ZNF646: variants seen among roughly 807,000 people sequenced by gnomAD.
The protein encoded by ZNF646 is zinc finger protein 646.
ZNF646 carries 49 observed loss-of-function variants against 115.4 expected under a neutral mutation model. The ratio of observed to expected loss-of-function variants is 0.42; its 90% CI spans 0.34 to 0.54. The LOEUF (loss-of-function observed/expected upper bound fraction) is 0.54, where lower values mean the gene tolerates loss of function less well. Ranked by LOEUF, ZNF646 falls within the 20% of genes least tolerant of loss-of-function variation. The pLI is 0.04. For synonymous variants in ZNF646, 933 were observed against 939.0 expected (o/e 0.99, Z 0.12); for missense variants, 2,269 against 2,457.9 (o/e 0.92, Z 1.62).
chr16:31,082,570 C>T (rs552706675), intron 2 of ZNF646: 5 of 253,532 alleles, frequency 2.0e-5, no homozygotes, highest in South Asian at 5.2e-5. Context: ...CTGGAAGCCG[C>T]AGCTGCCAGG....
Position 31,079,979 on chromosome 16 carries a change from A to G in ZNF646, c.3655A>G (p.Ile1219Val), listed in dbSNP as rs878928168. ...GRSYKHAGSL[I>V]NHRQSHQTGH... is the part of the protein sequence containing the mutation. ...ATCCTACAAGCACGCCGGCAGCCTCATCAACCACCGGCAGAGCCACCAGAC... is the reference window on the plus strand; with the variant it reads ...ATCCTACAAGCACGCCGGCAGCCTCGTCAACCACCGGCAGAGCCACCAGAC... Residue 1219 changes from isoleucine to valine, a missense_variant, in exon 2 of 3, where the codon ATC becomes GTC. Physicochemically the swap from Ile to Val is conservative, Grantham distance 29 (BLOSUM62 3). Around this residue, in one of 5 missense-constraint regions of ZNF646, gnomAD observed 1,062 missense variants for 1,172.8 expected, o/e 0.91. Coordinates refer to ENST00000300850, the MANE Select transcript of ZNF646 (RefSeq NM_014699.4). This position sits in a 1 kb window ranked among gnomAD's most constrained non-coding sequence, Gnocchi z 5.5. 1 of 1,600,418 alleles carries G rather than the reference A, an allele frequency of 6.2e-7. No individual in the cohort carries two copies. Among genetic ancestry groups the G allele is most frequent in the Non-Finnish European group, 8.5e-7 (1 of 1,173,384 alleles).
chr16:31,080,306 T>C lies in ZNF646; in HGVS notation c.3982T>C (p.Cys1328Arg), dbSNP rs746432543. The C allele has an allele frequency of 6.2e-7, 1 of 1,613,306 alleles. No individual in the cohort carries two copies. Among genetic ancestry groups the C allele is most frequent in the Non-Finnish European group, 8.5e-7 (1 of 1,179,866 alleles). ...RRSHETGQYSCPTCPKTYSNR... is the reference protein window; with the variant it reads ...RRSHETGQYSRPTCPKTYSNR... ...CAGCCACGAGACGGGCCAGTACAGCTGCCCCACCTGCCCCAAGACCTACTC... is the reference window on the plus strand; with the variant it reads ...CAGCCACGAGACGGGCCAGTACAGCCGCCCCACCTGCCCCAAGACCTACTC... The change falls in exon 2 of 3, where the codon TGC becomes CGC. Residue 1328 changes from cysteine to arginine, a missense_variant. Coordinates refer to ENST00000300850, the MANE Select transcript of ZNF646 (RefSeq NM_014699.4).
At position 31,079,571 on chromosome 16, in the gene ZNF646, G is replaced by A. The variant is rs2057126648; in HGVS notation, c.3247G>A (p.Val1083Ile). 9 of 1,613,308 alleles carry A rather than the reference G, an allele frequency of 5.6e-6. No homozygotes were observed. Among genetic ancestry groups the A allele is most frequent in the Non-Finnish European group, 7.6e-6 (9 of 1,180,032 alleles). Residue 1083 changes from valine to isoleucine, a missense_variant, in exon 2 of 3, where the codon GTC (valine) becomes ATC (isoleucine). By Grantham distance (29) the Val-to-Ile change is conservative. This residue lies in a region of ZNF646 where 1,062 missense variants were observed against 1,172.8 expected (regional missense o/e 0.91). Transcript: ENST00000300850. This position sits in a 1 kb window ranked among gnomAD's most constrained non-coding sequence, Gnocchi z 5.5. ...CCAGACTGGAGACTTTCTCTGCCCT[G>A]TCTGCTCCCGCTGCTACCCCAACCT... ...IHQTGDFLCP[V>I]CSRCYPNLAA...
In ZNF646 at chr16:31,083,544, AAGG is replaced by A. The variant is rs555821985; in HGVS notation, c.*460_*462del. On this transcript the variant is annotated 3_prime_UTR_variant, in exon 3 of 3. Coordinates refer to ENST00000300850, the MANE Select transcript of ZNF646 (RefSeq NM_014699.4). ...TGGCGTGATTGTATCTGAAAGGGTA[AAGG>A]AGGAGGAAAGCTGAGACGCCTGCTT... is the stretch of plus-strand genomic sequence containing the variant. 1.2e-3 allele frequency: 1,693 copies of A among 1,425,702 alleles called. 3 individuals carry two copies. Among genetic ancestry groups the A allele is most frequent in the Non-Finnish European group, 1.2e-3 (1,356 of 1,086,138 alleles). The allele number at this position is 1,425,702 out of a possible 1,614,324, so 88.3% of individuals were successfully genotyped here. A position where few individuals can be genotyped will look rare whatever the true frequency, so the allele number is the denominator to read the frequency against.
chr16:31,076,403 C>T lies in ZNF646; in HGVS notation c.79C>T (p.Arg27Ter), dbSNP rs1488209317. The change falls in exon 2 of 3, where the codon CGA becomes TGA. Residue 27 changes from arginine to a stop codon, truncating the protein, a stop_gained. Coordinates refer to ENST00000300850, the MANE Select transcript of ZNF646 (RefSeq NM_014699.4). LOFTEE classifies it high-confidence loss of function. ...CAGCCTCCCAGAGCTCTCTCGGCAC[C>T]GAGAACTGCTCCATCCATCTCCCAA... ...FPSLPELSRHRELLHPSPNQD... is the reference protein window; with the variant it reads ...FPSLPELSRH The T allele has an allele frequency of 5.6e-6, 9 of 1,613,980 alleles. No homozygotes were observed. The highest frequency in any genetic ancestry group is 1.1e-5 in the South Asian group (1 of 91,088).
In ZNF646 at chr16:31,078,646, C is replaced by T. The variant is rs17641067; in HGVS notation, c.2322C>T (p.Ile774=). Residue 774 remains isoleucine (I), a synonymous_variant, in exon 2 of 3, where the codon ATC becomes ATT. Coordinates refer to ENST00000300850, the MANE Select transcript of ZNF646 (RefSeq NM_014699.4). ...KDASLLDNLD[I]PGEEGGGTHF... is the part of the protein sequence containing the mutation. The stretch of plus-strand genomic sequence containing the variant: ...CCAGTTTACTTGACAACTTGGACAT[C>T]CCAGGTGAGGAAGGTGGTGGCACTC... The T allele has an allele frequency of 3.7e-5, 60 of 1,614,028 alleles. No individual in the cohort carries two copies. The highest frequency in any genetic ancestry group is 4.8e-5 in the Non-Finnish European group (57 of 1,180,008).
chr16:31,080,573 G>A lies in ZNF646; in HGVS notation c.4249G>A (p.Glu1417Lys), dbSNP rs1370340327. The A allele has an allele frequency of 1.2e-6, 2 of 1,613,916 alleles. No homozygotes were observed. The highest frequency in any genetic ancestry group is 1.3e-5 in the African/African-American group (1 of 74,906). ...EANLTGSQGL[E>K]TQLGGAEPVP... ...GAACCTGACTGGCAGCCAGGGACTA[G>A]AGACCCAATTGGGTGGTGCTGAGCC... Residue 1417 changes from glutamate (E) to lysine (K), a missense_variant, in exon 2 of 3, where the codon GAG becomes AAG. Coordinates refer to ENST00000300850, the MANE Select transcript of ZNF646 (RefSeq NM_014699.4).
rs748443441 is a variant in ZNF646 at position 31,078,051 on chromosome 16, T to C, written c.1727T>C (p.Ile576Thr). The C allele has an allele frequency of 1.2e-6, 2 of 1,614,128 alleles. No homozygotes were observed. The highest frequency in any genetic ancestry group is 1.6e-4 in the Middle Eastern group (1 of 6,062). Residue 576 changes from isoleucine (I) to threonine (T), a missense_variant, in exon 2 of 3, where the codon ATC (isoleucine) becomes ACC (threonine). This residue lies in a region of ZNF646 where 852 missense variants were observed against 900.2 expected (regional missense o/e 0.95). Transcript: ENST00000300850. ...TPAADKTAAH[I>T]CSICGLLFED... ...GCAGCAGACAAGACAGCAGCACATATCTGTAGCATCTGTGGGCTGCTCTTT... is the reference window on the plus strand; with the variant it reads ...GCAGCAGACAAGACAGCAGCACATACCTGTAGCATCTGTGGGCTGCTCTTT...
In ZNF646 at chr16:31,076,495, C is replaced by T. The variant is rs1365289874; in HGVS notation, c.171C>T (p.Tyr57=). The change falls in exon 2 of 3, where the codon TAC becomes TAT. Residue 57 remains tyrosine (Y), a synonymous_variant. Transcript: ENST00000300850. Reference sequence around the variant, plus strand: ...GTTGTCAGCAGTGTGGGCGGGGCTACCGTCACCCCGGGAGCCTGGTTAACC... The same window carrying T: ...GTTGTCAGCAGTGTGGGCGGGGCTATCGTCACCCCGGGAGCCTGGTTAACC... ...PYRCQQCGRG[Y]RHPGSLVNHR... is the part of the protein sequence containing the mutation. The T allele has an allele frequency of 6.2e-7, 1 of 1,613,986 alleles. No homozygotes were observed. The highest frequency in any genetic ancestry group is 1.7e-5 in the Admixed American group (1 of 60,024).
In ZNF646 at chr16:31,083,863, T is replaced by G; in HGVS notation, c.*771T>G. On this transcript the variant is annotated 3_prime_UTR_variant, in exon 3 of 3. Coordinates refer to ENST00000300850, the MANE Select transcript of ZNF646 (RefSeq NM_014699.4). ...TCCTCATCCTCACGGCTTTGGTCCC[T>G]CCCTCCCTCCCCATTCCTCGAAGGA... The G allele has an allele frequency of 1.5e-6, 2 of 1,370,732 alleles. No individual in the cohort carries two copies. Among genetic ancestry groups the G allele is most frequent in the Non-Finnish European group, 2.0e-6 (2 of 979,354 alleles). The allele number at this position is 1,370,732 out of a possible 1,614,324, so 84.9% of individuals were successfully genotyped here.
In ZNF646 at chr16:31,081,673, C is replaced by A. The variant is rs750465755; in HGVS notation, c.5349C>A (p.His1783Gln). ...GCTTCGTGCAGCACCAGCAGCAGCA[C>A]CAGGAGGAGTGGACGGTGGCCGGCT... ...RISFVQHQQQ[H>Q]QEEWTVAGSG... is the part of the protein sequence containing the mutation. The change falls in exon 2 of 3, where the codon CAC becomes CAA. Residue 1783 changes from histidine to glutamine, a missense_variant. His to Gln is a conservative substitution (Grantham distance 24). Around this residue, in one of 5 missense-constraint regions of ZNF646, gnomAD observed 1,062 missense variants for 1,172.8 expected, o/e 0.91. Transcript: ENST00000300850. 5 of 1,599,244 alleles carry A rather than the reference C, an allele frequency of 3.1e-6. No homozygotes were observed. In the South Asian group the frequency reaches 5.6e-5, roughly 18 times the overall value.
rs780410010 is a variant in ZNF646, at chr16:31,078,937, G to T, written c.2613G>T (p.Arg871Ser). Residue 871 changes from arginine (R) to serine (S), a missense_variant, in exon 2 of 3, where the codon AGG becomes AGT. By Grantham distance (110) the Arg-to-Ser change is moderately radical (BLOSUM62 -1). Around this residue, in one of 5 missense-constraint regions of ZNF646, gnomAD observed 852 missense variants for 900.2 expected, o/e 0.95. Transcript: ENST00000300850. ...TCCGCAGCCACTTCCAGAACCATAG[G>T]CCTGGGGAGGCGACCTCAGCACAGC... ...PALRSHFQNH[R>S]PGEATSAQPF... is the part of the protein sequence containing the mutation. 1 of 1,613,016 alleles carries T rather than the reference G, an allele frequency of 6.2e-7. No homozygotes were observed. The highest frequency in any genetic ancestry group is 8.5e-7 in the Non-Finnish European group (1 of 1,179,938).
rs2057148969 is a variant in ZNF646, at chr16:31,080,890, C to A, written c.4566C>A (p.Ser1522Arg). The change falls in exon 2 of 3, where the codon AGC (serine) becomes AGA (arginine). Residue 1522 changes from serine (S) to arginine (R), a missense_variant. This residue lies in a region of ZNF646 where 1,062 missense variants were observed against 1,172.8 expected (regional missense o/e 0.91). Transcript: ENST00000300850. ...HMDSWDNRDN[S>R]SQLQPGSHSS... ...ATAGCTGGGACAACAGAGACAACAG[C>A]TCTCAGCTGCAGCCAGGGAGCCACT... 1 of 1,613,972 alleles carries A rather than the reference C, an allele frequency of 6.2e-7. No homozygotes were observed.
rs757212174 is a variant in ZNF646 at position 31,080,171 on chromosome 16, C to T, written c.3847C>T (p.Arg1283Trp). The change falls in exon 2 of 3, where the codon CGG becomes TGG. Residue 1283 changes from arginine to tryptophan, a missense_variant. By Grantham distance (101) the Arg-to-Trp change is moderately radical. This residue lies in a region of ZNF646 where 1,062 missense variants were observed against 1,172.8 expected (regional missense o/e 0.91). Coordinates refer to ENST00000300850, the MANE Select transcript of ZNF646 (RefSeq NM_014699.4). ...CAGCCACCAGCGGGTCCACATGGAA[C>T]GGCGTGGGGGTGGGGGCACCCGAAA... ...LASHQRVHMERRGGGGTRKAT... is the reference protein window; with the variant it reads ...LASHQRVHMEWRGGGGTRKAT... 49 of 1,611,302 alleles carry T rather than the reference C, an allele frequency of 3.0e-5. No homozygotes were observed. The highest frequency in any genetic ancestry group is 5.3e-5 in the African/African-American group (4 of 74,856).
chr16:31,073,864 G>A (rs1273983484), upstream of ZNF646: 1 of 152,234 alleles, frequency 6.6e-6, no homozygotes, highest in African/African-American at 2.4e-5. Flanking sequence ...TGGCGGCAGA[G>A]AAGCATCTTG....
Position 31,081,410 on chromosome 16 carries a change from C to G in ZNF646, c.5086C>G (p.Gln1696Glu). ...YRHAGSLLNH[Q>E]KAHTTGLYPC... The stretch of plus-strand genomic sequence containing the variant: ...CCATGCTGGCAGCCTGCTGAACCAC[C>G]AGAAGGCCCACACCACAGGGTTGTA... Residue 1696 changes from glutamine (Q) to glutamate (E), a missense_variant, in exon 2 of 3, where the codon CAG (glutamine) becomes GAG (glutamate). By Grantham distance (29) the Gln-to-Glu change is conservative. Transcript: ENST00000300850. The G allele has an allele frequency of 6.2e-7, 1 of 1,611,864 alleles. No homozygotes were observed. Among genetic ancestry groups the G allele is most frequent in the East Asian group, 2.2e-5 (1 of 44,778 alleles).
In ZNF646 at chr16:31,078,447, C is replaced by A; in HGVS notation, c.2123C>A (p.Pro708His). The A allele has an allele frequency of 6.3e-7, 1 of 1,595,282 alleles. No homozygotes were observed. The highest frequency in any genetic ancestry group is 8.6e-7 in the Non-Finnish European group (1 of 1,168,760). The change falls in exon 2 of 3, where the codon CCC (proline) becomes CAC (histidine). Residue 708 changes from proline (P) to histidine (H), a missense_variant. Around this residue, in one of 5 missense-constraint regions of ZNF646, gnomAD observed 852 missense variants for 900.2 expected, o/e 0.95. Transcript: ENST00000300850. ...GAAGACAATGAAGGCCTGGAGTCTCCCCAAGACCCTTCAGGGGAAAGTCCT... is the reference window on the plus strand; with the variant it reads ...GAAGACAATGAAGGCCTGGAGTCTCACCAAGACCCTTCAGGGGAAAGTCCT... ...ELEDNEGLES[P>H]QDPSGESPHG...
At position 31,080,172 on chromosome 16, in the gene ZNF646, G is replaced by A. The variant is rs2057135825; in HGVS notation, c.3848G>A (p.Arg1283Gln). Residue 1283 changes from arginine to glutamine, a missense_variant, in exon 2 of 3, where the codon CGG becomes CAG. Around this residue, in one of 5 missense-constraint regions of ZNF646, gnomAD observed 1,062 missense variants for 1,172.8 expected, o/e 0.91. Transcript: ENST00000300850. ...LASHQRVHME[R>Q]RGGGGTRKAT... is the part of the protein sequence containing the mutation. ...AGCCACCAGCGGGTCCACATGGAAC[G>A]GCGTGGGGGTGGGGGCACCCGAAAG... is the stretch of plus-strand genomic sequence containing the variant. The A allele has an allele frequency of 2.5e-5, 40 of 1,610,994 alleles. No individual in the cohort carries two copies. Among genetic ancestry groups the A allele is most frequent in the Middle Eastern group, 1.6e-4 (1 of 6,076 alleles).
At position 31,080,514 on chromosome 16, in the gene ZNF646, A is replaced by G. The variant is rs761365707; in HGVS notation, c.4190A>G (p.Gln1397Arg). 3.7e-6 allele frequency: 6 copies of G among 1,613,938 alleles called. No individual in the cohort carries two copies. Among genetic ancestry groups the G allele is most frequent in the Non-Finnish European group, 2.5e-6 (3 of 1,180,036 alleles). ...ACAGAAAGGGAGCCAGCCAATGGCCAGGGAGGCCTGGATGGCACAGCGGCC... is the reference window on the plus strand; with the variant it reads ...ACAGAAAGGGAGCCAGCCAATGGCCGGGGAGGCCTGGATGGCACAGCGGCC... ...EETEREPANG[Q>R]GGLDGTAASE... is the part of the protein sequence containing the mutation. The change falls in exon 2 of 3, where the codon CAG becomes CGG. Residue 1397 changes from glutamine to arginine, a missense_variant. Around this residue, in one of 5 missense-constraint regions of ZNF646, gnomAD observed 1,062 missense variants for 1,172.8 expected, o/e 0.91. Coordinates refer to ENST00000300850, the MANE Select transcript of ZNF646 (RefSeq NM_014699.4).
Sources: allele counts gnomAD v4.1 joint callset, GRCh38; gene constraint gnomAD v4.1.1; regional missense constraint gnomAD v4.1.1; non-coding constraint Gnocchi (gnomAD v3.1); transcripts MANE v1.5; gene names NCBI Gene and HGNC (gene_info 2026-07-23, HGNC 2026-07-21).